Variants in TERF2 observed in about 807,000 individuals in gnomAD.
TERF2 encodes the protein telomeric repeat binding factor 2.
TERF2 carries 16 observed loss-of-function variants against 56.1 expected under a neutral mutation model. The observed-to-expected ratio is 0.29, with a 90% CI of 0.19 to 0.43. The LOEUF (loss-of-function observed/expected upper bound fraction) is 0.43. TERF2 is among the 20% of genes least tolerant of loss of function. TERF2 has a pLI of 1.00. For synonymous variants in TERF2, 296 were observed against 282.1 expected (o/e 1.05, Z -0.50); for missense variants, 547 against 712.9 (o/e 0.77, Z 2.65).
Position 69,356,313 on chromosome 16 carries a change from A to G in TERF2, c.*585T>C, listed in dbSNP as rs1396099208. On this transcript the variant is annotated 3_prime_UTR_variant, in exon 10 of 10. Coordinates refer to ENST00000254942, the MANE Select transcript of TERF2 (RefSeq NM_005652.5). ...TTACCAGGGATTTAAATTTAAGCAA[A>G]CCACTAAAGAAGGGAAACGCTAATG... is the stretch of plus-strand genomic sequence containing the variant. 1 of 402,590 alleles carries G rather than the reference A, an allele frequency of 2.5e-6. No individual in the cohort carries two copies. The highest frequency in any genetic ancestry group is 4.9e-6 in the Non-Finnish European group (1 of 204,676). 24.9% of individuals were successfully genotyped at this position (402,590 alleles called of 1,614,324 possible).
chr16:69,383,882 C>A (rs1192446834), intron 3 of TERF2, among the ~76,000 whole-genome samples: 5 of 146,570 alleles, frequency 3.4e-5, no homozygotes, highest in Non-Finnish European at 7.8e-5. Context: ...TGCTTCCACA[C>A]CCCCCAGCCT....
intron 7 of TERF2, chr16:69,365,463 A>C (rs2013307759): frequency 6.6e-6 from 1 of 152,402 alleles, no homozygotes; most frequent in Admixed American, 6.5e-5. Flanking sequence ...GCCTTGGGAG[A>C]TCCATAAGGT....
intron 7 of TERF2, among the ~76,000 whole-genome samples, chr16:69,363,347 G>A (rs2142716750): frequency 6.6e-6 from 1 of 152,232 alleles, no homozygotes; most frequent in South Asian, 2.1e-4. Context: ...GTCCTCTGTT[G>A]AACTCTCAGC....
At chr16:69,370,387 C>T in intron 5 of TERF2, 96 bp downstream of exon 5, 1 of 1,498,512 alleles carries the variant, frequency 6.7e-7, no homozygotes. Flanking sequence ...AATTCAATGT[C>T]TTTTTCACAC....
intron 6 of TERF2, 139 bp downstream of exon 6, chr16:69,368,237 C>A: frequency 1.4e-6 from 1 of 738,526 alleles, no homozygotes; most frequent in Non-Finnish European, 2.2e-6. Context: ...GCAGTCTCCC[C>A]CAGTGCCTTG....
intron 3 of TERF2, among the ~76,000 whole-genome samples, chr16:69,379,531 T>C (rs918726945): frequency 5.3e-5 from 8 of 152,250 alleles, no homozygotes; most frequent in Non-Finnish European, 8.8e-5. Context: ...AGTCTTGATA[T>C]AATTAACAGC....
chr16:69,356,866 T>G lies in TERF2; in HGVS notation c.*32A>C. On this transcript the variant is annotated 3_prime_UTR_variant, in exon 10 of 10. Coordinates refer to ENST00000254942, the MANE Select transcript of TERF2 (RefSeq NM_005652.5). ...CAGGGGCTATTATTAGGAACCATGC[T>G]CCTGTGAATTCTGTGGAAATGAAAG... 2 of 1,582,476 alleles carry G rather than the reference T, an allele frequency of 1.3e-6. No individual in the cohort carries two copies.
intron 8 of TERF2, among the ~76,000 whole-genome samples, chr16:69,360,016 G>A (rs996609144): frequency 3.5e-4 from 53 of 152,082 alleles, no homozygotes; most frequent in African/African-American, 1.2e-3. Context: ...GCCTGCCTCG[G>A]CCTCCCAAAG....
chr16:69,370,478 C>T lies in TERF2; in HGVS notation c.840+5G>A. The stretch of plus-strand genomic sequence containing the variant: ...CATGGTTATGGGAGAAGGGCCAAGG[C>T]GCACCGTGAGGAGGTAGGGCTCGGC... On this transcript the variant is annotated splice_donor_5th_base_variant and intron_variant, in intron 5 of 9. Coordinates refer to ENST00000254942, the MANE Select transcript of TERF2 (RefSeq NM_005652.5). 1.2e-6 allele frequency: 2 copies of T among 1,613,972 alleles called. No individual in the cohort carries two copies. Among genetic ancestry groups the T allele is most frequent in the East Asian group, 2.2e-5 (1 of 44,890 alleles).
chr16:69,368,121 C>T (rs1302487243), intron 6 of TERF2, among the ~76,000 whole-genome samples: 2 of 152,120 alleles, frequency 1.3e-5, no homozygotes, highest in Non-Finnish European at 2.9e-5. Flanking sequence ...TGAGTCAATA[C>T]GGGGGAGGCA....
intron 7 of TERF2, among the ~76,000 whole-genome samples, chr16:69,362,955 T>C (rs1327687064): frequency 6.6e-6 from 1 of 152,210 alleles, no homozygotes; most frequent in Non-Finnish European, 1.5e-5. Flanking sequence ...TAAAAGCAAG[T>C]TGATGAATAA....
At chr16:69,364,304 TC>T (rs1357919614) in intron 7 of TERF2, among the ~76,000 whole-genome samples, 1 of 152,074 alleles carries the variant, frequency 6.6e-6, no homozygotes, top group African/African-American at 2.4e-5. Context: ...CCAGCCTCCC[TC>T]CCTCCCTTCC....
intron 4 of TERF2, among the ~76,000 whole-genome samples, chr16:69,371,610 T>A (rs1157343730): frequency 6.7e-6 from 1 of 150,356 alleles, no homozygotes; most frequent in East Asian, 1.9e-4. Context: ...AGCCCAGGAG[T>A]TCCAGACCAG....
At chr16:69,357,950 C>T (rs1273271708) in intron 8 of TERF2, among the ~76,000 whole-genome samples, 5 of 146,800 alleles carry the variant, frequency 3.4e-5, no homozygotes, top group African/African-American at 5.0e-5. Context: ...CCAGGTTCAC[C>T]CCATTCTCCT....
chr16:69,385,545 A>AC, intron 1 of TERF2, 48 bp downstream of exon 1: 2 of 1,014,076 alleles, frequency 2.0e-6, no homozygotes, highest in Non-Finnish European at 3.0e-6. Context: ...GGTCCCCCGG[A>AC]CCCCCTTCCC....
In TERF2 at chr16:69,361,952, A is replaced by G. The variant is rs554395966; in HGVS notation, c.1341-463T>C. On this transcript the variant is annotated intron_variant, in intron 7 of 9. Coordinates refer to ENST00000254942, the MANE Select transcript of TERF2 (RefSeq NM_005652.5). ...AGTATTCCACTAGCCTCTTAACTAG[A>G]GTCTCTGCCGCTAGGCTCTTCCCCT... Among the ~76,000 whole-genome samples the G allele has an allele frequency of 2.9e-4, 28 of 96,264 alleles. 2 individuals carry two copies. Among genetic ancestry groups the G allele is most frequent in the African/African-American group, 1.1e-3 (27 of 25,468 alleles). The allele number at this position is 96,264 out of a possible 152,430, so 63.2% of individuals were successfully genotyped here. A position where few individuals can be genotyped will look rare whatever the true frequency, so the allele number is the denominator to read the frequency against.
At chr16:69,374,987 GT>G (rs2013724066) in intron 3 of TERF2, among the ~76,000 whole-genome samples, 1 of 151,970 alleles carries the variant, frequency 6.6e-6, no homozygotes, top group Non-Finnish European at 1.5e-5. Context: ...CAAAAAAGCC[GT>G]AAGTGTGTAG....
chr16:69,384,868 A>G (rs2014132024), intron 2 of TERF2, 158 bp from the exon 3 acceptor site: 1 of 627,452 alleles, frequency 1.6e-6, no homozygotes, highest in African/African-American at 1.9e-5. Context: ...GACATACACG[A>G]TAAGGGTCCA....
At position 69,356,268 on chromosome 16, in the gene TERF2, C is replaced by T; in HGVS notation, c.*630G>A. ...GGCTCCTAATAGACTTCACCATTTC[C>T]TAGGAGAAGGTTCTACAGATTACCA... On this transcript the variant is annotated 3_prime_UTR_variant, in exon 10 of 10. Transcript: ENST00000254942. 3 of 443,410 alleles carry T rather than the reference C, an allele frequency of 6.8e-6. 1 individual carries two copies. The highest frequency in any genetic ancestry group is 4.8e-5 in the South Asian group (3 of 62,094). 27.5% of individuals were successfully genotyped at this position (443,410 alleles called of 1,614,324 possible).
Sources: gnomAD v4.1 joint callset for allele counts (sites outside exome capture counted in the v4.1 genomes callset) on GRCh38, gnomAD v4.1.1 for gene constraint, MANE v1.5 for transcripts, NCBI Gene and HGNC (gene_info 2026-07-23, HGNC 2026-07-21) for gene names.